Variants in TCERG1 observed in about 807,000 individuals in gnomAD.
The protein encoded by TCERG1 is TATA box binding protein (TBP)-associated factor, RNA polymerase II, S, 150kD.
Under a neutral mutation model 144.7 loss-of-function variants are expected in TCERG1, and 37 were observed. The ratio of observed to expected loss-of-function variants is 0.26; its 90% CI spans 0.20 to 0.34. The LOEUF (loss-of-function observed/expected upper bound fraction) is 0.34, where lower values mean the gene tolerates loss of function less well. Among genes scored for constraint, TCERG1 ranks in the 10% least tolerant of loss-of-function variants. The pLI, the probability that TCERG1 is intolerant of heterozygous loss-of-function variation, is 1.00. For synonymous variants in TCERG1, 492 were observed against 458.2 expected (o/e 1.07, Z -0.94); for missense variants, 1,027 against 1,380.7 (o/e 0.74, Z 4.06).
intron 4 of TCERG1, chr5:146,462,158 A>G (rs1434594425): frequency 6.6e-6 from 1 of 152,630 alleles, no homozygotes; most frequent in Non-Finnish European, 1.5e-5. Context: ...TGAGTTTTTC[A>G]TTATTAGAAG....
intron 1 of TCERG1, 34 bp downstream of exon 1, chr5:146,447,442 C>G: frequency 1.2e-6 from 2 of 1,600,014 alleles, no homozygotes. Flanking sequence ...CATCTCTGCT[C>G]ACGAGAGCCC....
chr5:146,461,658 A>G (rs142087973), intron 4 of TCERG1, among the ~76,000 whole-genome samples: 1 of 152,076 alleles, frequency 6.6e-6, no homozygotes, highest in African/African-American at 2.4e-5. Context: ...TGATGCCCTT[A>G]TTTATTTTCC....
intron 3 of TCERG1, among the ~76,000 whole-genome samples, chr5:146,457,651 G>A (rs1762939393): frequency 6.6e-6 from 1 of 152,176 alleles, no homozygotes; most frequent in Non-Finnish European, 1.5e-5. Context: ...TAGGCACATC[G>A]AGCCATTCTT....
intron 9 of TCERG1, 189 bp from the exon 10 acceptor site, chr5:146,478,304 G>A (rs1483646331): frequency 6.6e-6 from 3 of 456,790 alleles, no homozygotes; most frequent in Admixed American, 4.2e-5. Context: ...ATGTTGATCT[G>A]TTATTTTTGC....
At chr5:146,501,246 T>C (rs1429572050) in intron 17 of TCERG1, among the ~76,000 whole-genome samples, 1 of 152,176 alleles carries the variant, frequency 6.6e-6, no homozygotes, top group Non-Finnish European at 1.5e-5. Context: ...ATTTTTGTTA[T>C]AGTAAGGAAT....
intron 3 of TCERG1, among the ~76,000 whole-genome samples, chr5:146,457,622 G>A (rs554155335): frequency 1.3e-5 from 2 of 152,352 alleles, no homozygotes; most frequent in South Asian, 2.1e-4. Flanking sequence ...AGGAAAGCAG[G>A]TGTTCAGCGT....
At chr5:146,493,582 T>C (rs191099908) in intron 16 of TCERG1, among the ~76,000 whole-genome samples, 208 of 152,244 alleles carry the variant, frequency 1.4e-3, no homozygotes, top group Non-Finnish European at 2.4e-3. Context: ...TTAAAACATA[T>C]ATGTATGCAT....
At chr5:146,456,477 C>G (rs748527333) in intron 2 of TCERG1, among the ~76,000 whole-genome samples, 3 of 152,108 alleles carry the variant, frequency 2.0e-5, no homozygotes, top group Admixed American at 6.5e-5. Context: ...ATATTAAGTC[C>G]AAGTGATTTT....
Position 146,453,890 on chromosome 5 carries a change from C to T in TCERG1, c.60-1166C>T, listed in dbSNP as rs185204082. The stretch of plus-strand genomic sequence containing the variant: ...ATTGACATATCTGAAGAATACACAT[C>T]CCCCTTTTAATAGAACATTCCTTCC... On this transcript the variant is annotated intron_variant, in intron 1 of 22. Coordinates refer to ENST00000679501, the MANE Select transcript of TCERG1 (RefSeq NM_001382548.1). 6.1e-4 allele frequency among the ~76,000 whole-genome samples: 93 copies of T among 152,152 alleles called. 1 individual carries two copies. The East Asian group carries it at 0.016, about 27-fold the overall frequency.
chr5:146,493,355 A>G (rs75545015), intron 16 of TCERG1, among the ~76,000 whole-genome samples: 2,344 of 152,088 alleles, frequency 0.015, 25 homozygotes, highest in Non-Finnish European at 0.021. Context: ...GAGGAGGAAC[A>G]TTATTTTGAT....
At chr5:146,447,470 A>G in intron 1 of TCERG1, 62 bp downstream of exon 1, 2 of 1,567,132 alleles carry the variant, frequency 1.3e-6, no homozygotes, top group Non-Finnish European at 1.7e-6. Context: ...TAGACGCTAG[A>G]CCTGCCATGT....
intron 19 of TCERG1, chr5:146,505,719 T>TCA (rs1767924048): frequency 1.3e-5 from 2 of 152,114 alleles, no homozygotes; most frequent in South Asian, 4.2e-4. Flanking sequence ...AGCATATGAC[T>TCA]GCAGCACTTA....
At chr5:146,477,761 G>T (rs1193449189) in intron 9 of TCERG1, among the ~76,000 whole-genome samples, 2 of 146,382 alleles carry the variant, frequency 1.4e-5, no homozygotes, top group Admixed American at 7.0e-5. Flanking sequence ...GCAGTGGTGC[G>T]ATCACAACTT....
intron 9 of TCERG1, among the ~76,000 whole-genome samples, chr5:146,477,081 TA>T (rs1207090447): frequency 5.9e-5 from 9 of 152,198 alleles, no homozygotes; most frequent in Non-Finnish European, 1.0e-4. Flanking sequence ...ATCCATCTTC[TA>T]ATTCACTGAT....
chr5:146,493,166 T>G, intron 16 of TCERG1, 128 bp downstream of exon 16: 1 of 653,224 alleles, frequency 1.5e-6, no homozygotes, highest in East Asian at 3.3e-5. Context: ...GATTATCGGT[T>G]TTTGCCAAAA....
intron 17 of TCERG1, among the ~76,000 whole-genome samples, chr5:146,502,581 G>T (rs1270143483): frequency 6.6e-6 from 1 of 152,158 alleles, no homozygotes; most frequent in South Asian, 2.1e-4. Flanking sequence ...TGATACTGAA[G>T]GATTAATGTT....
rs189465619 is a variant in TCERG1 at position 146,501,600 on chromosome 5, C to T, written c.2434-1775C>T. Among the ~76,000 whole-genome samples, 4 of 152,146 alleles carry T rather than the reference C, an allele frequency of 2.6e-5. No individual in the cohort carries two copies. In the East Asian group the frequency reaches 7.7e-4, roughly 29 times the overall value. ...TTAACATAAATTTTGTAAATTTTGCCTTCCAGTTGTCAAATGCATCTAGGA... is the reference window on the plus strand; with the variant it reads ...TTAACATAAATTTTGTAAATTTTGCTTTCCAGTTGTCAAATGCATCTAGGA... On this transcript the variant is annotated intron_variant, in intron 17 of 22. Transcript: ENST00000679501.
At chr5:146,502,675 T>C (rs892934435) in intron 17 of TCERG1, among the ~76,000 whole-genome samples, 5 of 152,214 alleles carry the variant, frequency 3.3e-5, no homozygotes, top group Non-Finnish European at 5.9e-5. Context: ...TCTGAGTTTA[T>C]AATGTTATAA....
chr5:146,499,758 T>G (rs1767262525), intron 17 of TCERG1: 1 of 152,244 alleles, frequency 6.6e-6, no homozygotes, highest in African/African-American at 2.4e-5. Flanking sequence ...ATATTTGCAT[T>G]TGTAACTGAT....
Sources: gnomAD v4.1 joint callset for allele counts (sites outside exome capture counted in the v4.1 genomes callset) on GRCh38, gnomAD v4.1.1 for gene constraint, MANE v1.5 for transcripts, NCBI Gene and HGNC (gene_info 2026-07-23, HGNC 2026-07-21) for gene names.